Variants in AMDHD1 observed in about 807,000 individuals in gnomAD.
AMDHD1 encodes probable imidazolonepropionase.
Under a neutral mutation model 44.1 loss-of-function variants are expected in AMDHD1, and 45 were observed. That is an observed-to-expected ratio of 1.02 (90% CI 0.80 to 1.31). The LOEUF (loss-of-function observed/expected upper bound fraction) is 1.31. Ranked by LOEUF, AMDHD1 falls within the 50% of genes most tolerant of loss-of-function variation. AMDHD1 has a pLI of 0.00. For synonymous variants in AMDHD1, 206 were observed against 205.0 expected, an observed-to-expected ratio of 1.00 and a Z score of -0.04; for missense variants, 586 against 552.1, an observed-to-expected ratio of 1.06 and a Z score of -0.61.
At position 95,968,709 on chromosome 12, in the gene AMDHD1, T is replaced by G. The variant is rs1292698627; in HGVS notation, c.*866T>G. 1.3e-5 allele frequency: 2 copies of G among 152,202 alleles called. No individual in the cohort carries two copies. The highest frequency in any genetic ancestry group is 3.8e-4 in the East Asian group (2 of 5,202). The allele number at this position is 152,202 out of a possible 1,614,324, so 9.4% of individuals were successfully genotyped here. On this transcript the variant is annotated 3_prime_UTR_variant, in exon 9 of 9. Coordinates refer to ENST00000266736, the MANE Select transcript of AMDHD1 (RefSeq NM_152435.3). ...TAATTATTTACATATAAATGGGTGT[T>G]TTTAAAAGCCATGTAAGTTGATTTG...
intron 8 of AMDHD1, 86 bp downstream of exon 8, chr12:95,966,594 G>A (rs1483052173): frequency 6.6e-7 from 1 of 1,504,344 alleles, no homozygotes; most frequent in South Asian, 1.2e-5. Flanking sequence ...CTAATTATTA[G>A]TGTCAGACTC....
At chr12:95,949,787 T>C (rs749467357) in intron 1 of AMDHD1, among the ~76,000 whole-genome samples, 5 of 152,242 alleles carry the variant, frequency 3.3e-5, no homozygotes, top group Non-Finnish European at 7.3e-5. Context: ...GTAATTTTAA[T>C]GACTACCTTA....
chr12:95,943,503 G>T lies in AMDHD1; in HGVS notation c.105G>T (p.Ala35=). 2 of 1,493,062 alleles carry T rather than the reference G, an allele frequency of 1.3e-6. No individual in the cohort carries two copies. The highest frequency in any genetic ancestry group is 1.8e-6 in the Non-Finnish European group (2 of 1,124,602). 92.5% of individuals were successfully genotyped at this position (1,493,062 alleles called of 1,614,324 possible). A position where few individuals can be genotyped will look rare whatever the true frequency, so the allele number is the denominator to read the frequency against. Reference sequence around the variant, plus strand: ...CGCGGGATGCGCTGCGCAGCCTGGCGGTGCTGGAAGGCGCCAGCCTGGTGG... The same window carrying T: ...CGCGGGATGCGCTGCGCAGCCTGGCTGTGCTGGAAGGCGCCAGCCTGGTGG... ...FLARDALRSL[A]VLEGASLVVG... Residue 35 remains alanine, a synonymous_variant, in exon 1 of 9, where the codon GCG becomes GCT. Coordinates refer to ENST00000266736, the MANE Select transcript of AMDHD1 (RefSeq NM_152435.3).
intron 3 of AMDHD1, 151 bp from the exon 4 acceptor site, chr12:95,956,534 G>A: frequency 5.7e-6 from 6 of 1,058,706 alleles, no homozygotes; most frequent in Non-Finnish European, 8.1e-6. Context: ...TTCCAGGACT[G>A]TGTATCCCAG....
At position 95,960,602 on chromosome 12, in the gene AMDHD1, C is replaced by G; in HGVS notation, c.792C>G (p.Leu264=). 7 of 1,614,160 alleles carry G rather than the reference C, an allele frequency of 4.3e-6. No homozygotes were observed. Among genetic ancestry groups the G allele is most frequent in the Non-Finnish European group, 5.9e-6 (7 of 1,180,006 alleles). Residue 264 remains leucine (L), a synonymous_variant, in exon 5 of 9, where the codon CTC becomes CTG. Transcript: ENST00000266736. Reference sequence around the variant, plus strand: ...AGATTAACTTCCATGGGGATGAACTCCACCCGATGAAGGCTGCTGAGGTGT... The same window carrying G: ...AGATTAACTTCCATGGGGATGAACTGCACCCGATGAAGGCTGCTGAGGTGT... ...GLQINFHGDE[L]HPMKAAELGA...
chr12:95,965,876 A>G (rs887573381), intron 7 of AMDHD1, 97 bp downstream of exon 7: 1 of 847,248 alleles, frequency 1.2e-6, no homozygotes, highest in African/African-American at 1.8e-5. Context: ...AGTATAAAAA[A>G]TCTAAAAATA....
intron 4 of AMDHD1, 25 bp downstream of exon 4, chr12:95,956,987 G>A (rs768584633): frequency 3.1e-6 from 5 of 1,610,442 alleles, no homozygotes; most frequent in Non-Finnish European, 4.2e-6. Flanking sequence ...TGGGGGCCCG[G>A]GTTTAACTCA....
intron 1 of AMDHD1, among the ~76,000 whole-genome samples, chr12:95,943,991 C>G (rs992583088): frequency 1.3e-5 from 2 of 152,116 alleles, no homozygotes; most frequent in Non-Finnish European, 2.9e-5. Context: ...TCAAAAGTAC[C>G]TTTCACATCC....
Position 95,956,889 on chromosome 12 carries a change from G to C in AMDHD1, c.514G>C (p.Val172Leu). The C allele has an allele frequency of 6.2e-7, 1 of 1,613,894 alleles. No homozygotes were observed. The highest frequency in any genetic ancestry group is 8.5e-7 in the Non-Finnish European group (1 of 1,180,042). ...GGAGACCGAGCTCAAGATGCTGCGC[G>C]TGATTGAGCGCGCCCGGCGGGAGCT... ...DLETELKMLR[V>L]IERARRELDI... is the part of the protein sequence containing the mutation. The change falls in exon 4 of 9, where the codon GTG (valine) becomes CTG (leucine). Residue 172 changes from valine (V) to leucine (L), a missense_variant. Physicochemically the swap from Val to Leu is conservative, Grantham distance 32. Coordinates refer to ENST00000266736, the MANE Select transcript of AMDHD1 (RefSeq NM_152435.3).
At chr12:95,943,623 C>T (rs2080477154) in intron 1 of AMDHD1, 88 bp downstream of exon 1, 2 of 1,362,602 alleles carry the variant, frequency 1.5e-6, no homozygotes, top group Non-Finnish European at 1.9e-6. Context: ...GGAAACAACG[C>T]CGTGAAAGCG....
chr12:95,952,622 A>C, intron 1 of AMDHD1, 95 bp from the exon 2 acceptor site: 1 of 806,990 alleles, frequency 1.2e-6, no homozygotes, highest in East Asian at 2.6e-5. Context: ...TTGACTAATT[A>C]ACACCAAAGA....
chr12:95,954,019 A>C (rs2080537731), intron 2 of AMDHD1, among the ~76,000 whole-genome samples: 1 of 152,222 alleles, frequency 6.6e-6, no homozygotes, highest in Non-Finnish European at 1.5e-5. Flanking sequence ...TTAATCCATA[A>C]GGTATCTAAA....
intron 5 of AMDHD1, among the ~76,000 whole-genome samples, chr12:95,961,415 AG>A (rs1482037062): frequency 1.3e-5 from 2 of 152,208 alleles, no homozygotes; most frequent in Non-Finnish European, 2.9e-5. Flanking sequence ...ACTGTGTGCC[AG>A]GCACTGTTTT....
chr12:95,962,273 A>AG, intron 5 of AMDHD1, 82 bp from the exon 6 acceptor site: 1 of 1,542,498 alleles, frequency 6.5e-7, no homozygotes, highest in South Asian at 1.2e-5. Context: ...CAAAAATAAA[A>AG]CAAACAAAGC....
At chr12:95,953,589 G>C (rs777376389) in intron 2 of AMDHD1, among the ~76,000 whole-genome samples, 4 of 152,002 alleles carry the variant, frequency 2.6e-5, no homozygotes, top group Non-Finnish European at 5.9e-5. Flanking sequence ...GTTTTCATTT[G>C]TTTGTTTATT....
intron 1 of AMDHD1, 102 bp from the exon 2 acceptor site, chr12:95,952,615 A>ACTAATT (rs1164079919): frequency 3.9e-5 from 29 of 742,124 alleles, no homozygotes; most frequent in Non-Finnish European, 5.6e-5. Context: ...GTAAATGTTG[A>ACTAATT]CTAATTAACA....
intron 1 of AMDHD1, among the ~76,000 whole-genome samples, chr12:95,945,257 G>A (rs1318187498): frequency 6.6e-6 from 1 of 152,178 alleles, no homozygotes; most frequent in East Asian, 1.9e-4. Context: ...AAAGGAGGGA[G>A]CTGACTTGTG....
Position 95,952,273 on chromosome 12 carries a change from A to C in AMDHD1, c.138-444A>C, listed in dbSNP as rs115031875. ...TTTGATTTCATTCTTTTGCATATGG[A>C]TAGCCAGTTTCCCTAGCACCATTTA... On this transcript the variant is annotated intron_variant, in intron 1 of 8. Transcript: ENST00000266736. 1.9e-3 allele frequency among the ~76,000 whole-genome samples: 291 copies of C among 152,224 alleles called. 2 individuals are homozygous for C. Among genetic ancestry groups the C allele is most frequent in the African/African-American group, 6.6e-3 (276 of 41,556 alleles).
At chr12:95,946,493 G>A (rs1359603905) in intron 1 of AMDHD1, among the ~76,000 whole-genome samples, 1 of 151,882 alleles carries the variant, frequency 6.6e-6, no homozygotes, top group African/African-American at 2.4e-5. Context: ...TGGGAAACAA[G>A]ACACATGAAA....
Sources: gnomAD v4.1 joint callset for allele counts (sites outside exome capture counted in the v4.1 genomes callset) on GRCh38, gnomAD v4.1.1 for gene constraint, MANE v1.5 for transcripts, NCBI Gene and HGNC (gene_info 2026-07-23, HGNC 2026-07-21) for gene names.